The following GUCY1A2 variants were observed in gnomAD, a reference collection of about 807,000 sequenced individuals.
GUCY1A2 encodes the protein guanylate cyclase soluble subunit alpha-2.
GUCY1A2 carries 27 observed loss-of-function variants against 63.5 expected under a neutral mutation model. The observed-to-expected ratio is 0.43, with a 90% confidence interval of 0.31 to 0.59. The LOEUF is 0.59. GUCY1A2 is among the 20% of genes least tolerant of loss of function. The pLI is 0.11. For missense variants in GUCY1A2, 768 were observed against 913.3 expected, an observed-to-expected ratio of 0.84 and a Z score of 2.05; for synonymous variants, 364 against 343.5, an observed-to-expected ratio of 1.06 and a Z score of -0.66.
At chr11:106,719,803 G>A (rs1246851295) in intron 6 of GUCY1A2, among the ~76,000 whole-genome samples, 1 of 152,094 alleles carries the variant, frequency 6.6e-6, no homozygotes, top group Non-Finnish European at 1.5e-5. Flanking sequence ...TTTCTAATAT[G>A]CATCCAAGGT....
chr11:106,980,016 G>A (rs1019930690), intron 2 of GUCY1A2, among the ~76,000 whole-genome samples: 1 of 152,160 alleles, frequency 6.6e-6, no homozygotes, highest in Non-Finnish European at 1.5e-5. Flanking sequence ...GTAGAGATTG[G>A]GGATTACCCA....
At chr11:106,822,519 C>A (rs1858916398) in intron 4 of GUCY1A2, among the ~76,000 whole-genome samples, 1 of 152,104 alleles carries the variant, frequency 6.6e-6, no homozygotes, top group Admixed American at 6.6e-5. Flanking sequence ...CTCCTCTCAG[C>A]CTCCTCCCTC....
At chr11:106,907,141 AT>A (rs1163174726) in intron 4 of GUCY1A2, among the ~76,000 whole-genome samples, 2 of 152,052 alleles carry the variant, frequency 1.3e-5, no homozygotes, top group East Asian at 3.9e-4. Context: ...CACCAACTCC[AT>A]TTCTGAGCCT....
At chr11:106,699,818 G>A (rs1454413389) in intron 7 of GUCY1A2, among the ~76,000 whole-genome samples, 1 of 149,232 alleles carries the variant, frequency 6.7e-6, no homozygotes, top group African/African-American at 2.5e-5. Flanking sequence ...GTCTCGGTCT[G>A]TCGCCCAGGC....
intron 3 of GUCY1A2, among the ~76,000 whole-genome samples, chr11:106,951,076 C>G (rs559443506): frequency 2.6e-5 from 4 of 152,174 alleles, no homozygotes; most frequent in African/African-American, 9.7e-5. Flanking sequence ...TGATCTCACT[C>G]ATTTTTATGG....
chr11:106,690,772 T>G (rs1296514056), intron 7 of GUCY1A2, among the ~76,000 whole-genome samples: 1 of 152,166 alleles, frequency 6.6e-6, no homozygotes, highest in Admixed American at 6.5e-5. Context: ...TAAGTTAGAC[T>G]GAATTGCTCC....
intron 2 of GUCY1A2, among the ~76,000 whole-genome samples, chr11:106,980,864 T>C (rs888748903): frequency 1.0e-4 from 4 of 39,570 alleles, no homozygotes; most frequent in African/African-American, 4.6e-4. Flanking sequence ...GCACAGATGT[T>C]AAACACAGGC....
At chr11:106,755,653 G>A (rs905681557) in intron 6 of GUCY1A2, among the ~76,000 whole-genome samples, 16 of 152,196 alleles carry the variant, frequency 1.1e-4, no homozygotes, top group South Asian at 4.1e-4. Flanking sequence ...GTAGTTGTGC[G>A]GTTTTGAGTG....
At chr11:106,957,149 G>A (rs1378340881) in intron 3 of GUCY1A2, among the ~76,000 whole-genome samples, 1 of 152,192 alleles carries the variant, frequency 6.6e-6, no homozygotes, top group Non-Finnish European at 1.5e-5. Context: ...TCTAGCAGGG[G>A]AAAGTACAGC....
intron 1 of GUCY1A2, among the ~76,000 whole-genome samples, chr11:107,007,466 T>A (rs904084162): frequency 6.6e-6 from 1 of 152,166 alleles, no homozygotes; most frequent in African/African-American, 2.4e-5. Context: ...AACCCTCCAC[T>A]CCAGCGGATT....
At chr11:106,772,438 T>C (rs1388061966) in intron 6 of GUCY1A2, among the ~76,000 whole-genome samples, 1 of 152,156 alleles carries the variant, frequency 6.6e-6, no homozygotes, top group East Asian at 1.9e-4. Flanking sequence ...AGCACCAAGC[T>C]AGAAGGCAAT....
At chr11:106,799,613 C>G (rs1037532641) in intron 5 of GUCY1A2, among the ~76,000 whole-genome samples, 12 of 152,240 alleles carry the variant, frequency 7.9e-5, no homozygotes, top group African/African-American at 2.6e-4. Flanking sequence ...TGATCTTTGA[C>G]AAACCTGACA....
At chr11:106,947,935 A>G (rs1450695823) in intron 3 of GUCY1A2, among the ~76,000 whole-genome samples, 1 of 152,128 alleles carries the variant, frequency 6.6e-6, no homozygotes, top group Non-Finnish European at 1.5e-5. Context: ...GAATTAATAG[A>G]TAAAAGCTGA....
chr11:106,779,539 CT>C, intron 5 of GUCY1A2, among the ~76,000 whole-genome samples: 1 of 152,212 alleles, frequency 6.6e-6, no homozygotes, highest in Non-Finnish European at 1.5e-5. Context: ...AGTAAATTGC[CT>C]GCACAAATCA....
chr11:106,945,383 A>C (rs1466560109), intron 3 of GUCY1A2, among the ~76,000 whole-genome samples: 3 of 54,122 alleles, frequency 5.5e-5, no homozygotes, highest in Non-Finnish European at 1.0e-4. Flanking sequence ...AATGAAAAAA[A>C]ACAAAAACAA....
chr11:106,813,016 CATAATT>C (rs1224464964), intron 4 of GUCY1A2, among the ~76,000 whole-genome samples: 3 of 151,856 alleles, frequency 2.0e-5, no homozygotes, highest in Non-Finnish European at 4.4e-5. Flanking sequence ...TTATGTTTCT[CATAATT>C]ATAACTTCAG....
chr11:106,829,686 G>C (rs79875437), intron 4 of GUCY1A2, among the ~76,000 whole-genome samples: 4,239 of 152,240 alleles, frequency 0.028, 177 homozygotes, highest in African/African-American at 0.096. Context: ...TAAGAAGGGA[G>C]TTACAGTGTT....
chr11:106,784,308 T>C (rs994554889), intron 5 of GUCY1A2, among the ~76,000 whole-genome samples: 3 of 152,032 alleles, frequency 2.0e-5, no homozygotes, highest in African/African-American at 7.3e-5. Context: ...CCAGTATTTA[T>C]GGGGGTTAAG....
Position 106,688,178 on chromosome 11 carries a change from T to C in GUCY1A2, c.1992-422A>G, listed in dbSNP as rs574105053. 2.0e-5 allele frequency among the ~76,000 whole-genome samples: 3 copies of C among 152,318 alleles called. No individual in the cohort carries two copies. The East Asian group carries it at 5.8e-4, about 29-fold the overall frequency. On this transcript the variant is annotated intron_variant, in intron 7 of 7. Transcript: ENST00000526355. Reference sequence around the variant, plus strand: ...AATTCTAGTGCACTCCTTTTATGTTTGGTAAACCGTAAGCTTTAAATGTGT... The same window carrying C: ...AATTCTAGTGCACTCCTTTTATGTTCGGTAAACCGTAAGCTTTAAATGTGT...
Sources: allele counts gnomAD v4.1 joint callset (sites outside exome capture counted in the v4.1 genomes callset), GRCh38; gene constraint gnomAD v4.1.1; transcripts MANE v1.5; gene names NCBI Gene and HGNC (gene_info 2026-07-23, HGNC 2026-07-21).